TNFSF4: variants seen among roughly 807,000 people sequenced by gnomAD.
The protein encoded by TNFSF4 is TNF superfamily member 4.
A neutral mutation model predicts 7.3 loss-of-function variants in TNFSF4; 4 were observed. The ratio of observed to expected loss-of-function variants is 0.55; its 90% CI spans 0.27 to 1.25. The LOEUF (loss-of-function observed/expected upper bound fraction) is 1.25, where lower values mean the gene tolerates loss of function less well. Ranked by LOEUF, TNFSF4 falls within the 50% of genes most tolerant of loss-of-function variation. The probability of loss-of-function intolerance (pLI) is 0.12; values close to 1 mark genes in which losing one functional copy is unlikely to be tolerated. For synonymous variants in TNFSF4, 76 were observed against 83.7 expected, an observed-to-expected ratio of 0.91 and a Z score of 0.50; for missense variants, 181 against 208.8, an observed-to-expected ratio of 0.87 and a Z score of 0.82.
the TNFSF4 span, among the ~76,000 whole-genome samples, chr1:173,433,191 G>A: frequency 6.6e-6 from 1 of 152,140 alleles, no homozygotes; most frequent in South Asian, 2.1e-4. Context: ...TATTGTGGCA[G>A]TCCCCAAGAC....
chr1:173,433,551 A>C, the TNFSF4 span, among the ~76,000 whole-genome samples: 2 of 151,582 alleles, frequency 1.3e-5, no homozygotes, highest in South Asian at 4.2e-4. Flanking sequence ...AAAAAAAAAA[A>C]AATACTTGGC....
the TNFSF4 span, among the ~76,000 whole-genome samples, chr1:173,414,635 A>G: frequency 7.9e-5 from 12 of 152,224 alleles, 1 homozygote. Context: ...AAGTAGAAGA[A>G]AAGTATGGTG....
the TNFSF4 span, among the ~76,000 whole-genome samples, chr1:173,297,035 C>T: frequency 1.1e-4 from 16 of 151,924 alleles, no homozygotes; most frequent in African/African-American, 3.4e-4. Context: ...AATAAACATA[C>T]ACTGACAGTT....
At chr1:173,244,647 AAAACAAAAAACAAAAAAAAC>A in the TNFSF4 span, among the ~76,000 whole-genome samples, 2 of 126,348 alleles carry the variant, frequency 1.6e-5, no homozygotes, top group Non-Finnish European at 3.3e-5. Context: ...GTCTCAAAAA[AAAACAAAAAACAAAAAAAAC>A]AAAAAAAAAA....
intron 1 of TNFSF4, among the ~76,000 whole-genome samples, chr1:173,195,915 C>T (rs1273673890): frequency 6.6e-6 from 1 of 152,208 alleles, no homozygotes; most frequent in Non-Finnish European, 1.5e-5. Flanking sequence ...CACCAAACCA[C>T]TGCCACTGGA....
At chr1:173,233,243 A>G in the TNFSF4 span, among the ~76,000 whole-genome samples, 6 of 152,232 alleles carry the variant, frequency 3.9e-5, no homozygotes, top group African/African-American at 1.4e-4. Flanking sequence ...CTAAAGATCA[A>G]ATGAATGAAA....
chr1:173,175,895 A>G, the TNFSF4 span, among the ~76,000 whole-genome samples: 1 of 152,138 alleles, frequency 6.6e-6, no homozygotes, highest in Non-Finnish European at 1.5e-5. Context: ...ATTGACACTA[A>G]ACTAACAGAG....
chr1:173,259,311 C>CA, the TNFSF4 span, among the ~76,000 whole-genome samples: 6 of 132,260 alleles, frequency 4.5e-5, no homozygotes, highest in East Asian at 6.8e-4. Context: ...ACAACATCAA[C>CA]AAAAAAGACC....
chr1:173,344,549 C>T, the TNFSF4 span, among the ~76,000 whole-genome samples: 22 of 152,196 alleles, frequency 1.4e-4, no homozygotes, highest in Admixed American at 6.5e-5. Flanking sequence ...GCTTCCTTCT[C>T]CCTTGGTCCA....
the TNFSF4 span, among the ~76,000 whole-genome samples, chr1:173,343,174 A>G: frequency 6.6e-6 from 1 of 152,234 alleles, no homozygotes; most frequent in Non-Finnish European, 1.5e-5. Flanking sequence ...TGAAGACAGC[A>G]GTAATCAAAA....
At chr1:173,312,286 T>C in the TNFSF4 span, among the ~76,000 whole-genome samples, 1 of 152,122 alleles carries the variant, frequency 6.6e-6, no homozygotes, top group African/African-American at 2.4e-5. Flanking sequence ...TGGTGAAAAT[T>C]ATCTATCAGC....
the TNFSF4 span, among the ~76,000 whole-genome samples, chr1:173,320,755 G>A: frequency 6.6e-6 from 1 of 151,978 alleles, no homozygotes; most frequent in African/African-American, 2.4e-5. Flanking sequence ...AAAATACACA[G>A]GAATACAATT....
chr1:173,179,672 C>G (rs975235177), downstream of TNFSF4, among the ~76,000 whole-genome samples: 1 of 152,102 alleles, frequency 6.6e-6, no homozygotes, highest in African/African-American at 2.4e-5. Context: ...CATTCTTCTT[C>G]TAGTTGAGTC....
At chr1:173,417,341 G>A in the TNFSF4 span, among the ~76,000 whole-genome samples, 5 of 152,188 alleles carry the variant, frequency 3.3e-5, no homozygotes, top group African/African-American at 1.2e-4. Context: ...GGTAACAAAT[G>A]TAAAGCTCTT....
At chr1:173,218,065 C>G in the TNFSF4 span, among the ~76,000 whole-genome samples, 1 of 152,040 alleles carries the variant, frequency 6.6e-6, no homozygotes, top group African/African-American at 2.4e-5. Flanking sequence ...TTTGAATTAC[C>G]TTGTGATATT....
chr1:173,444,844 G>A, the TNFSF4 span, among the ~76,000 whole-genome samples: 1 of 152,166 alleles, frequency 6.6e-6, no homozygotes, highest in Non-Finnish European at 1.5e-5. Flanking sequence ...TGACAGGAGT[G>A]GTTGCACACT....
chr1:173,309,158 C>T, the TNFSF4 span, among the ~76,000 whole-genome samples: 63 of 151,902 alleles, frequency 4.1e-4, no homozygotes, highest in African/African-American at 1.5e-3. Context: ...ATGTTCATAA[C>T]CTTTATAAAG....
chr1:173,227,112 GT>G, the TNFSF4 span, among the ~76,000 whole-genome samples: 80,100 of 136,798 alleles, frequency 0.59, 23,398 homozygotes, highest in African/African-American at 0.78. Flanking sequence ...CTATTCTTTT[GT>G]TTTTTTTTTT....
rs1381416454 is a variant in TNFSF4, at chr1:173,207,321, A to T, written c.-145T>A. The T allele has an allele frequency of 9.0e-6, 6 of 663,308 alleles. No individual in the cohort carries two copies. The highest frequency in any genetic ancestry group is 3.7e-5 in the African/African-American group (2 of 54,602). The allele number at this position is 663,308 out of a possible 1,614,324, so 41.1% of individuals were successfully genotyped here. A position where few individuals can be genotyped will look rare whatever the true frequency, so the allele number is the denominator to read the frequency against. ...GGCAAAGGTCCCAGGGCCAGAGATAAAAGGCGATTGAAAGAGCAAAGCGGA... is the reference window on the plus strand; with the variant it reads ...GGCAAAGGTCCCAGGGCCAGAGATATAAGGCGATTGAAAGAGCAAAGCGGA... On this transcript the variant is annotated 5_prime_UTR_variant, in exon 1 of 3. Coordinates refer to ENST00000281834, the MANE Select transcript of TNFSF4 (RefSeq NM_003326.5).
Sources: gnomAD v4.1 joint callset for allele counts (sites outside exome capture counted in the v4.1 genomes callset) on GRCh38, gnomAD v4.1.1 for gene constraint, MANE v1.5 for transcripts, NCBI Gene and HGNC (gene_info 2026-07-23, HGNC 2026-07-21) for gene names.